COL4A3: variants seen among roughly 807,000 people sequenced by gnomAD.
COL4A3 encodes the protein collagen type IV alpha 3 chain.
In COL4A3, 135 loss-of-function variants were observed where a neutral mutation model predicts 217.4. The observed-to-expected ratio is 0.62, with a 90% CI of 0.54 to 0.72. The LOEUF is 0.72. Ranked by LOEUF, COL4A3 falls within the 30% of genes least tolerant of loss-of-function variation. The pLI, the probability that COL4A3 is intolerant of heterozygous loss-of-function variation, is 0.00. For missense variants in COL4A3, 1,868 were observed against 2,119.9 expected (o/e 0.88, Z 2.33); for synonymous variants, 690 against 736.3 (o/e 0.94, Z 1.02).
At chr2:227,249,323 C>T (rs190807668) in intron 9 of COL4A3, among the ~76,000 whole-genome samples, 2,541 of 142,712 alleles carry the variant, frequency 0.018, 73 homozygotes, top group African/African-American at 0.063. Flanking sequence ...GCAACCACCA[C>T]CTCCCGGATT....
chr2:227,298,656 T>C, intron 42 of COL4A3, 26 bp from the exon 43 acceptor site: 1 of 1,613,054 alleles, frequency 6.2e-7, no homozygotes, highest in Non-Finnish European at 8.5e-7. Context: ...TGGCTGGCAA[T>C]ACTGACAGAC....
intron 3 of COL4A3, among the ~76,000 whole-genome samples, chr2:227,241,803 C>G (rs1204877142): frequency 2.6e-5 from 4 of 152,162 alleles, no homozygotes; most frequent in Admixed American, 2.0e-4. Context: ...ATCTATTTCT[C>G]CCTGGATCTC....
intron 37 of COL4A3, 25 bp downstream of exon 37, chr2:227,290,911 C>G: frequency 6.2e-7 from 1 of 1,601,582 alleles, no homozygotes; most frequent in Non-Finnish European, 8.5e-7. Flanking sequence ...GAAATATTTA[C>G]ATTTTAGTGG....
Position 227,284,236 on chromosome 2 carries a change from G to C in COL4A3, c.2772G>C (p.Lys924Asn), listed in dbSNP as rs1559899508. ...QRGSPGIPGV[K>N]GQRGTPGAKG... ...GGAGCCCTGGAATTCCAGGAGTAAA[G>C]GGCCAGAGAGGAACCCCAGGAGCCA... is the stretch of plus-strand genomic sequence containing the variant. The change falls in exon 34 of 52, where the codon AAG becomes AAC. Residue 924 changes from lysine (K) to asparagine (N), a missense_variant. Transcript: ENST00000396578. 6.2e-7 allele frequency: 1 copy of C among 1,613,838 alleles called. No individual in the cohort carries two copies. The highest frequency in any genetic ancestry group is 2.2e-5 in the East Asian group (1 of 44,870).
At chr2:227,181,713 A>C (rs2065872719) in intron 1 of COL4A3, among the ~76,000 whole-genome samples, 1 of 152,208 alleles carries the variant, frequency 6.6e-6, no homozygotes, top group South Asian at 2.1e-4. Context: ...ATCCCTTAAA[A>C]ATGAATGCAT....
intron 1 of COL4A3, among the ~76,000 whole-genome samples, chr2:227,182,130 T>G (rs2065884879): frequency 6.6e-6 from 1 of 152,220 alleles, no homozygotes; most frequent in South Asian, 2.1e-4. Flanking sequence ...TTGATTTGTC[T>G]CAGCTCTTAC....
At chr2:227,272,724 T>G (rs544175777) in intron 25 of COL4A3, among the ~76,000 whole-genome samples, 25 of 152,350 alleles carry the variant, frequency 1.6e-4, no homozygotes, top group African/African-American at 5.5e-4. Flanking sequence ...CAAGTGGGAC[T>G]CAAGACAGTT....
chr2:227,227,298 G>A (rs188723469), intron 1 of COL4A3, among the ~76,000 whole-genome samples: 43 of 152,232 alleles, frequency 2.8e-4, no homozygotes, highest in African/African-American at 7.9e-4. Context: ...AGCAGAGCCC[G>A]TCAATAATGA....
intron 1 of COL4A3, among the ~76,000 whole-genome samples, chr2:227,202,537 G>T (rs2066730183): frequency 6.6e-6 from 1 of 151,622 alleles, no homozygotes. Flanking sequence ...TAGGTCAGGA[G>T]ATCGAGACCA....
chr2:227,238,192 A>G, intron 2 of COL4A3, 168 bp downstream of exon 2: 1 of 517,234 alleles, frequency 1.9e-6, no homozygotes, highest in Non-Finnish European at 3.5e-6. Context: ...AAAAAAAAGA[A>G]AAAAGTCATC....
chr2:227,244,894 T>G lies in COL4A3; in HGVS notation c.280-57T>G, dbSNP rs755666721. The G allele has an allele frequency of 2.7e-6, 4 of 1,496,546 alleles. No homozygotes were observed. In the Admixed American group the frequency reaches 5.3e-5, roughly 20 times the overall value. 92.7% of individuals were successfully genotyped at this position (1,496,546 alleles called of 1,614,324 possible). ...GGTAAATAAATTTATGTTTATAGAT[T>G]GAACATTTTTAAAGTTTTTTTTTTT... is the stretch of plus-strand genomic sequence containing the variant. On this transcript the variant is annotated intron_variant, in intron 4 of 51. Coordinates refer to ENST00000396578, the MANE Select transcript of COL4A3 (RefSeq NM_000091.5).
intron 47 of COL4A3, among the ~76,000 whole-genome samples, 191 bp downstream of exon 47, chr2:227,305,274 G>A (rs1368515597): frequency 4.6e-5 from 7 of 152,120 alleles, no homozygotes; most frequent in Non-Finnish European, 7.4e-5. Flanking sequence ...GTATTTTTCC[G>A]ACCTCTTAGC....
In COL4A3 at chr2:227,298,349, C is replaced by CA. The variant is rs145565120; in HGVS notation, c.3752-324dup. On this transcript the variant is annotated intron_variant, in intron 42 of 51. Transcript: ENST00000396578. Reference sequence around the variant, plus strand: ...CCTGGGCAACAGAACAAAACTGTATCAAAAAAAAATAATTAGCCTAAAAGA... The same window carrying CA: ...CCTGGGCAACAGAACAAAACTGTATCAAAAAAAAAATAATTAGCCTAAAAGA... Among the ~76,000 whole-genome samples, 9,595 of 151,264 alleles carry CA rather than the reference C, an allele frequency of 0.063. 763 individuals are homozygous for CA. The highest frequency in any genetic ancestry group is 0.19 in the African/African-American group (7,742 of 41,234).
At chr2:227,247,854 G>A (rs534305418) in intron 8 of COL4A3, among the ~76,000 whole-genome samples, 1 of 152,222 alleles carries the variant, frequency 6.6e-6, no homozygotes, top group South Asian at 2.1e-4. Context: ...CATGCTCAGG[G>A]CCCCACATTC....
At chr2:227,264,226 C>G (rs569066128) in intron 21 of COL4A3, among the ~76,000 whole-genome samples, 3 of 152,282 alleles carry the variant, frequency 2.0e-5, no homozygotes, top group Admixed American at 2.0e-4. Flanking sequence ...ATCAAGTTGG[C>G]CTTGACCAAT....
rs1559891502 is a variant in COL4A3, at chr2:227,277,450, T to C, written c.2022T>C (p.Gly674=). Residue 674 remains glycine (G), a splice_region_variant and synonymous_variant, in exon 28 of 52, where the codon GGT becomes GGC. Transcript: ENST00000396578. ...TGCATATGTGTATTTGTTTCTAAGGTATCCCTGGATCCCTGGGGAAATGTG... is the reference window on the plus strand; with the variant it reads ...TGCATATGTGTATTTGTTTCTAAGGCATCCCTGGATCCCTGGGGAAATGTG... The part of the protein sequence containing the change: ...PGHPGPQGPP[G]IPGSLGKCGD... The C allele has an allele frequency of 6.3e-7, 1 of 1,598,702 alleles. No homozygotes were observed. Among genetic ancestry groups the C allele is most frequent in the South Asian group, 1.1e-5 (1 of 89,500 alleles).
At chr2:227,232,383 T>C (rs1364246409) in intron 1 of COL4A3, among the ~76,000 whole-genome samples, 1 of 152,238 alleles carries the variant, frequency 6.6e-6, no homozygotes, top group African/African-American at 2.4e-5. Flanking sequence ...TTTGAATAGA[T>C]ACCCAATAGT....
intron 26 of COL4A3, among the ~76,000 whole-genome samples, chr2:227,275,385 TG>T (rs921496719): frequency 6.6e-6 from 1 of 152,160 alleles, no homozygotes; most frequent in Non-Finnish European, 1.5e-5. Context: ...TTTACTATGT[TG>T]GCCAGGCTGG....
At position 227,259,846 on chromosome 2, in the gene COL4A3, A is replaced by C. The variant is rs2125956505; in HGVS notation, c.1083A>C (p.Pro361=). The change falls in exon 19 of 52, where the codon CCA becomes CCC. Residue 361 remains proline, a synonymous_variant. Transcript: ENST00000396578. ...QEKGDEGTPG[P]PGPRGARGPQ... ...AGGGAGATGAAGGCACTCCAGGCCC[A>C]CCAGGGCCCAGAGGAGCTCGTGGCC... 1.2e-6 allele frequency: 2 copies of C among 1,613,810 alleles called. No homozygotes were observed. Among genetic ancestry groups the C allele is most frequent in the East Asian group, 4.5e-5 (2 of 44,886 alleles).
Sources: gnomAD v4.1 joint callset for allele counts (sites outside exome capture counted in the v4.1 genomes callset) on GRCh38, gnomAD v4.1.1 for gene constraint, MANE v1.5 for transcripts, NCBI Gene and HGNC (gene_info 2026-07-23, HGNC 2026-07-21) for gene names.